DNAH5: variants seen among roughly 807,000 people sequenced by gnomAD.
DNAH5 encodes the protein dynein axonemal heavy chain 5.
A neutral mutation model predicts 518.2 loss-of-function variants in DNAH5; 372 were observed. The ratio of observed to expected loss-of-function variants is 0.72; its 90% CI spans 0.66 to 0.78. The LOEUF (loss-of-function observed/expected upper bound fraction) is 0.78. Among genes scored for constraint, DNAH5 ranks in the 30% least tolerant of loss-of-function variants. DNAH5 has a pLI of 0.00. For synonymous variants in DNAH5, 2,039 were observed against 2,025.9 expected (o/e 1.01, Z -0.17); for missense variants, 5,523 against 5,687.0 (o/e 0.97, Z 0.93).
At chr5:13,871,282 ATTTAT>A (rs1477341218) in intron 23 of DNAH5, among the ~76,000 whole-genome samples, 1 of 152,198 alleles carries the variant, frequency 6.6e-6, no homozygotes, top group Non-Finnish European at 1.5e-5. Context: ...TGTTATTGTT[ATTTAT>A]TAAACAAAGG....
intron 35 of DNAH5, among the ~76,000 whole-genome samples, chr5:13,836,127 A>C (rs1466880648): frequency 6.6e-6 from 1 of 152,104 alleles, no homozygotes; most frequent in African/African-American, 2.4e-5. Flanking sequence ...ACTTACTATC[A>C]CACTTCCCCC....
At chr5:13,783,333 A>G (rs1450307925) in intron 52 of DNAH5, among the ~76,000 whole-genome samples, 1 of 152,184 alleles carries the variant, frequency 6.6e-6, no homozygotes, top group African/African-American at 2.4e-5. Flanking sequence ...ATTCCAGACA[A>G]TGTATCCAGA....
chr5:13,925,396 G>C (rs559260346), intron 3 of DNAH5, among the ~76,000 whole-genome samples: 1 of 152,224 alleles, frequency 6.6e-6, no homozygotes, highest in Admixed American at 6.5e-5. Context: ...GAAGGATTTT[G>C]TGAGGACAGT....
At chr5:13,939,481 A>C in intron 1 of DNAH5, among the ~76,000 whole-genome samples, 1 of 151,756 alleles carries the variant, frequency 6.6e-6, no homozygotes, top group African/African-American at 2.4e-5. Flanking sequence ...CAGTTCTCTA[A>C]CTCATTTACC....
At chr5:13,993,533 A>G (rs189085393) in intron 1 of DNAH5, among the ~76,000 whole-genome samples, 1 of 152,380 alleles carries the variant, frequency 6.6e-6, no homozygotes, top group East Asian at 1.9e-4. Flanking sequence ...TTTAGTCATG[A>G]AAAGATCATA....
At position 13,901,380 on chromosome 5, in the gene DNAH5, G is replaced by T; in HGVS notation, c.1924C>A (p.Gln642Lys). ...QLFHRIQQPM[Q>K]LFQQHPAVLS... is the part of the protein sequence containing the mutation. ...ACAGCTGGGTGCTGCTGGAAAAGCTGCATGGGCTGCTGAATCCTATGGAAG... is the reference window on the plus strand; with the variant it reads ...ACAGCTGGGTGCTGCTGGAAAAGCTTCATGGGCTGCTGAATCCTATGGAAG... The change falls in exon 14 of 79, where the codon CAG becomes AAG. Residue 642 changes from glutamine (Q) to lysine (K), a missense_variant. Coordinates refer to ENST00000265104, the MANE Select transcript of DNAH5 (RefSeq NM_001369.3). 3 of 1,614,158 alleles carry T rather than the reference G, an allele frequency of 1.9e-6. No individual in the cohort carries two copies. Among genetic ancestry groups the T allele is most frequent in the Non-Finnish European group, 2.5e-6 (3 of 1,180,012 alleles).
chr5:14,005,804 A>G (rs1347454028), intron 1 of DNAH5, among the ~76,000 whole-genome samples: 2 of 152,232 alleles, frequency 1.3e-5, no homozygotes, highest in East Asian at 3.8e-4. Flanking sequence ...AGCATGGAAA[A>G]GGCTGAGAAT....
chr5:13,701,366 G>A lies in DNAH5; in HGVS notation c.13409C>T (p.Ser4470Leu), dbSNP rs146051262. 4.2e-5 allele frequency: 68 copies of A among 1,613,878 alleles called. No homozygotes were observed. Among genetic ancestry groups the A allele is most frequent in the South Asian group, 2.3e-4 (21 of 91,086 alleles). Reference sequence around the variant, plus strand: ...GTGAGGTCGGCCATTGAAAACCCACGAGGTAAACTGGCTGTTTCTTTCTAT... The same window carrying A: ...GTGAGGTCGGCCATTGAAAACCCACAAGGTAAACTGGCTGTTTCTTTCTAT... ...ELIERNSQFT[S>L]WVFNGRPHCF... The change falls in exon 77 of 79, where the codon TCG becomes TTG. Residue 4470 changes from serine to leucine, a missense_variant. By Grantham distance (145) the Ser-to-Leu change is moderately radical. Coordinates refer to ENST00000265104, the MANE Select transcript of DNAH5 (RefSeq NM_001369.3).
chr5:13,829,833 T>A, intron 37 of DNAH5, 129 bp from the exon 38 acceptor site: 1 of 1,130,028 alleles, frequency 8.8e-7, no homozygotes, highest in Non-Finnish European at 1.3e-6. Context: ...CGTATCTCAA[T>A]CTCGTTTTAC....
intron 43 of DNAH5, 103 bp from the exon 44 acceptor site, chr5:13,811,926 A>G (rs1760772880): frequency 1.1e-6 from 1 of 946,812 alleles, no homozygotes; most frequent in Non-Finnish European, 1.7e-6. Context: ...TAATGATAAT[A>G]TCTAATGATT....
intron 55 of DNAH5, among the ~76,000 whole-genome samples, chr5:13,775,163 G>T (rs1753907086): frequency 7.7e-6 from 1 of 129,892 alleles, no homozygotes; most frequent in African/African-American, 2.9e-5. Context: ...CTTACCTCCA[G>T]TTATATTTAC....
chr5:13,781,982 T>C (rs1201647741), intron 52 of DNAH5, among the ~76,000 whole-genome samples: 1 of 152,120 alleles, frequency 6.6e-6, no homozygotes, highest in African/African-American at 2.4e-5. Flanking sequence ...GAAGTCCATG[T>C]TTATTTGGCT....
chr5:13,800,708 T>G, intron 47 of DNAH5, among the ~76,000 whole-genome samples: 1 of 152,190 alleles, frequency 6.6e-6, no homozygotes, highest in East Asian at 1.9e-4. Context: ...CCTAGAATTT[T>G]TTTGTCTCCC....
intron 50 of DNAH5, 67 bp from the exon 51 acceptor site, chr5:13,788,981 C>A: frequency 7.1e-7 from 1 of 1,415,870 alleles, no homozygotes; most frequent in African/African-American, 1.4e-5. Flanking sequence ...TTCAGGTTGA[C>A]AGTACTGTAG....
intron 1 of DNAH5, among the ~76,000 whole-genome samples, chr5:13,972,979 TAATCTCGG>T: frequency 6.6e-6 from 1 of 152,324 alleles, no homozygotes; most frequent in Non-Finnish European, 1.5e-5. Context: ...TGTCCATTTC[TAATCTCGG>T]AAGCCTGTGA....
intron 47 of DNAH5, among the ~76,000 whole-genome samples, chr5:13,795,035 G>C (rs987650541): frequency 6.6e-6 from 1 of 152,092 alleles, no homozygotes; most frequent in Admixed American, 6.6e-5. Context: ...GAAAGAACTG[G>C]GACACATTTA....
chr5:14,005,971 T>C (rs143646254), intron 1 of DNAH5, among the ~76,000 whole-genome samples: 1 of 152,286 alleles, frequency 6.6e-6, no homozygotes, highest in Non-Finnish European at 1.5e-5. Context: ...GGGGAGCTTA[T>C]TCCATTCCTC....
chr5:13,719,940 C>A (rs1196775738), intron 71 of DNAH5, among the ~76,000 whole-genome samples: 1 of 152,164 alleles, frequency 6.6e-6, no homozygotes, highest in African/African-American at 2.4e-5. Context: ...TAATGCAACT[C>A]AGGCAAAATT....
intron 10 of DNAH5, 28 bp from the exon 11 acceptor site, chr5:13,913,986 A>G: frequency 1.2e-6 from 2 of 1,607,406 alleles, no homozygotes; most frequent in South Asian, 2.2e-5. Context: ...AATATACAAC[A>G]AAGGGAACAA....
Sources: allele counts gnomAD v4.1 joint callset (sites outside exome capture counted in the v4.1 genomes callset), GRCh38; gene constraint gnomAD v4.1.1; transcripts MANE v1.5; gene names NCBI Gene and HGNC (gene_info 2026-07-23, HGNC 2026-07-21).